The following NRG1 variants were observed in gnomAD, a reference collection of about 807,000 sequenced individuals.
NRG1 encodes neuregulin 1.
In NRG1, 18 loss-of-function variants were observed where a neutral mutation model predicts 63.8. That is an observed-to-expected ratio of 0.28 (90% CI 0.19 to 0.42). The LOEUF (loss-of-function observed/expected upper bound fraction) is 0.42, where lower values mean the gene tolerates loss of function less well. Among genes scored for constraint, NRG1 ranks in the 10% least tolerant of loss-of-function variants. The probability of loss-of-function intolerance (pLI) is 1.00; values close to 1 mark genes in which losing one functional copy is unlikely to be tolerated. For missense variants in NRG1, 762 were observed against 814.7 expected (o/e 0.94, Z 0.79); for synonymous variants, 302 against 301.3 (o/e 1.00, Z -0.02).
At chr8:32,649,900 A>T (rs1588974199) in intron 5 of NRG1, among the ~76,000 whole-genome samples, 1 of 152,328 alleles carries the variant, frequency 6.6e-6, no homozygotes, top group Admixed American at 6.5e-5. Context: ...GGCTATAAAA[A>T]GCAAGTACAG....
intron 1 of NRG1, among the ~76,000 whole-genome samples, chr8:32,566,480 T>C (rs1222467271): frequency 6.6e-6 from 1 of 152,090 alleles, no homozygotes; most frequent in Non-Finnish European, 1.5e-5. Context: ...ACTCTAAGAC[T>C]CCCCACTTCA....
chr8:31,864,220 G>A (rs1828737192), intron 1 of NRG1, among the ~76,000 whole-genome samples: 1 of 152,114 alleles, frequency 6.6e-6, no homozygotes, highest in South Asian at 2.1e-4. Flanking sequence ...GCATCCATGT[G>A]TGCTTGGCAC....
chr8:31,880,271 G>C (rs758692886), intron 1 of NRG1, among the ~76,000 whole-genome samples: 1 of 152,162 alleles, frequency 6.6e-6, no homozygotes, highest in Non-Finnish European at 1.5e-5. Context: ...AGGGGGCAGA[G>C]ACTCTGCTTT....
chr8:32,580,445 TAAG>T (rs1358349764), intron 1 of NRG1, among the ~76,000 whole-genome samples: 4 of 152,206 alleles, frequency 2.6e-5, no homozygotes, highest in African/African-American at 7.2e-5. Flanking sequence ...AGTGATAATA[TAAG>T]AAGAATAGCT....
chr8:31,702,345 A>G (rs915025741), intron 1 of NRG1, among the ~76,000 whole-genome samples: 3 of 152,154 alleles, frequency 2.0e-5, no homozygotes, highest in Non-Finnish European at 2.9e-5. Flanking sequence ...CATGCACTTC[A>G]TGGATTCATG....
At chr8:32,280,339 A>T (rs1409782391) in intron 1 of NRG1, among the ~76,000 whole-genome samples, 1 of 152,236 alleles carries the variant, frequency 6.6e-6, no homozygotes, top group Non-Finnish European at 1.5e-5. Flanking sequence ...ATTAAATGAG[A>T]TCTTTGAAAA....
chr8:31,963,017 C>A (rs1324975181), intron 1 of NRG1, among the ~76,000 whole-genome samples: 1 of 152,156 alleles, frequency 6.6e-6, no homozygotes. Flanking sequence ...AAAGTGACTG[C>A]GTGTTCTCAT....
intron 1 of NRG1, among the ~76,000 whole-genome samples, chr8:32,187,066 G>A (rs1214759154): frequency 6.6e-6 from 1 of 152,142 alleles, no homozygotes; most frequent in Non-Finnish European, 1.5e-5. Context: ...ATTTTTCACA[G>A]TGTTTTCATT....
chr8:31,731,089 G>A (rs1813997609), intron 1 of NRG1, among the ~76,000 whole-genome samples: 1 of 152,066 alleles, frequency 6.6e-6, no homozygotes, highest in South Asian at 2.1e-4. Context: ...GGAGAAGCAC[G>A]TCTCATCTTT....
intron 1 of NRG1, among the ~76,000 whole-genome samples, chr8:31,958,790 C>G (rs1586077739): frequency 6.6e-6 from 1 of 152,164 alleles, no homozygotes; most frequent in South Asian, 2.1e-4. Context: ...ATGATACAAT[C>G]AAGTTTTTAT....
chr8:32,078,967 A>G (rs1318217129), intron 1 of NRG1, among the ~76,000 whole-genome samples: 1 of 152,198 alleles, frequency 6.6e-6, no homozygotes, highest in African/African-American at 2.4e-5. Context: ...TACAGCAAGA[A>G]CAATGACTTG....
chr8:32,399,517 C>T (rs1465219363), intron 1 of NRG1, among the ~76,000 whole-genome samples: 1 of 152,084 alleles, frequency 6.6e-6, no homozygotes, highest in African/African-American at 2.4e-5. Flanking sequence ...CCAGCGTGGC[C>T]AATATTACAA....
intron 1 of NRG1, among the ~76,000 whole-genome samples, chr8:32,464,924 C>T (rs1004366173): frequency 1.3e-5 from 2 of 152,120 alleles, no homozygotes; most frequent in Admixed American, 6.5e-5. Flanking sequence ...TCTGTAATCC[C>T]GGCACTTTGG....
chr8:32,592,443 TAC>T (rs1842693339), intron 1 of NRG1, among the ~76,000 whole-genome samples: 1 of 152,186 alleles, frequency 6.6e-6, no homozygotes, highest in Non-Finnish European at 1.5e-5. Context: ...AGATCACATT[TAC>T]AGTCTTCTTT....
In NRG1 at chr8:32,049,169, A is replaced by G. The variant is rs544852939; in HGVS notation, c.37+409738A>G. ...AAAATATTTGCTCAGCTTTGATGCT[A>G]TAAAAGCCTCTCCAAAGCTAAGGAA... On this transcript the variant is annotated intron_variant, in intron 1 of 10. Coordinates refer to the NRG1 transcript ENST00000519301. 1.8e-3 allele frequency among the ~76,000 whole-genome samples: 281 copies of G among 152,288 alleles called. 1 individual carries two copies. Among genetic ancestry groups the G allele is most frequent in the Non-Finnish European group, 2.8e-3 (190 of 68,004 alleles).
rs561592043 is a variant in NRG1, at chr8:31,792,391, A to T, written c.37+152960A>T. 1.5e-4 allele frequency among the ~76,000 whole-genome samples: 23 copies of T among 152,358 alleles called. No individual in the cohort carries two copies. The South Asian group carries it at 4.6e-3, about 30-fold the overall frequency. ...GCCCAGTACACAGGAGGGTTGAATG[A>T]CTTGTTTAATGGCACATGGCCAAAG... On this transcript the variant is annotated intron_variant, in intron 1 of 10. Coordinates refer to the NRG1 transcript ENST00000519301.
At chr8:31,948,252 T>A (rs186773027) in intron 1 of NRG1, among the ~76,000 whole-genome samples, 1,726 of 152,336 alleles carry the variant, frequency 0.011, 15 homozygotes, top group Non-Finnish European at 0.015. Flanking sequence ...CCTTGCACTT[T>A]AGCTATAGAG....
intron 1 of NRG1, among the ~76,000 whole-genome samples, chr8:32,387,447 G>C (rs1811161828): frequency 6.6e-6 from 1 of 152,160 alleles, no homozygotes; most frequent in African/African-American, 2.4e-5. Flanking sequence ...CAATAACTCT[G>C]TGCCTTGCTA....
At chr8:32,228,029 TC>T (rs1214369450) in intron 1 of NRG1, among the ~76,000 whole-genome samples, 1 of 152,230 alleles carries the variant, frequency 6.6e-6, no homozygotes, top group Non-Finnish European at 1.5e-5. Flanking sequence ...ATTATGTCTT[TC>T]CTTTAACCTC....
Sources: gnomAD v4.1 joint callset for allele counts (sites outside exome capture counted in the v4.1 genomes callset) on GRCh38, gnomAD v4.1.1 for gene constraint, MANE v1.5 for transcripts, NCBI Gene and HGNC (gene_info 2026-07-23, HGNC 2026-07-21) for gene names.